Variants in LRBA observed in about 807,000 individuals in gnomAD.
The protein encoded by LRBA is lipopolysaccharide-responsive and beige-like anchor protein.
A neutral mutation model predicts 330.0 loss-of-function variants in LRBA; 176 were observed. The observed-to-expected ratio is 0.53, with a 90% CI of 0.47 to 0.60. The LOEUF is 0.60. Among genes scored for constraint, LRBA ranks in the 20% least tolerant of loss-of-function variants. The pLI, the probability that LRBA is intolerant of heterozygous loss-of-function variation, is 0.00. For missense variants in LRBA, 3,259 were observed against 3,444.8 expected (o/e 0.95, Z 1.35); for synonymous variants, 1,230 against 1,193.0 (o/e 1.03, Z -0.64).
At chr4:150,486,835 T>C (rs1240994526) in intron 42 of LRBA, among the ~76,000 whole-genome samples, 1 of 151,886 alleles carries the variant, frequency 6.6e-6, no homozygotes, top group Non-Finnish European at 1.5e-5. Context: ...GATTCTACTC[T>C]CTACTTCTAT....
intron 2 of LRBA, among the ~76,000 whole-genome samples, chr4:151,012,084 C>T (rs1441130574): frequency 6.6e-6 from 1 of 152,156 alleles, no homozygotes; most frequent in African/African-American, 2.4e-5. Flanking sequence ...TTCTCAGCAA[C>T]TTTTCCTGCC....
chr4:150,567,917 C>G (rs1769339520), intron 40 of LRBA, among the ~76,000 whole-genome samples: 1 of 152,040 alleles, frequency 6.6e-6, no homozygotes, highest in Admixed American at 6.6e-5. Flanking sequence ...GGTAGGTTAA[C>G]AAAGGGAGAG....
rs565865005 is a variant in LRBA at position 150,661,014 on chromosome 4, C to T, written c.5921+22537G>A. Among the ~76,000 whole-genome samples the T allele has an allele frequency of 1.6e-4, 20 of 122,130 alleles. No individual in the cohort carries two copies. The South Asian group carries it at 6.0e-3, about 37-fold the overall frequency. 80.1% of individuals were successfully genotyped at this position (122,130 alleles called of 152,430 possible). ...CTGCTGACCTTCCCTCCACTATTGTCCCATGACCCTGCCAAATCCCCCTCT... is the reference window on the plus strand; with the variant it reads ...CTGCTGACCTTCCCTCCACTATTGTTCCATGACCCTGCCAAATCCCCCTCT... On this transcript the variant is annotated intron_variant, in intron 37 of 56. Coordinates refer to ENST00000651943, the MANE Select transcript of LRBA (RefSeq NM_001364905.1).
chr4:150,296,124 A>C (rs1728946155), intron 53 of LRBA, among the ~76,000 whole-genome samples: 1 of 152,206 alleles, frequency 6.6e-6, no homozygotes, highest in African/African-American at 2.4e-5. Flanking sequence ...ATTTATCCTA[A>C]ATACCCAAAT....
At position 150,697,558 on chromosome 4, in the gene LRBA, A is replaced by G. The variant is rs1784759996; in HGVS notation, c.5755-13841T>C. 2.0e-5 allele frequency among the ~76,000 whole-genome samples: 3 copies of G among 152,010 alleles called. No individual in the cohort carries two copies. In the South Asian group the frequency reaches 6.2e-4, roughly 32 times the overall value. ...TTTTTAAATATCCTGATACATGTTT[A>G]TATTTTTCTTGGGTAACTAATACAT... On this transcript the variant is annotated intron_variant, in intron 36 of 56. Coordinates refer to ENST00000651943, the MANE Select transcript of LRBA (RefSeq NM_001364905.1).
At chr4:150,693,390 C>T (rs1040261284) in intron 36 of LRBA, among the ~76,000 whole-genome samples, 3 of 150,902 alleles carry the variant, frequency 2.0e-5, no homozygotes, top group African/African-American at 7.3e-5. Flanking sequence ...GGTGAAACCC[C>T]GTCTCTACTA....
Position 150,583,977 on chromosome 4 carries a change from C to T in LRBA, c.6330+4071G>A. ...TCTCCTGCCTGCAGTGCCGCCGCTGCCCTCACTACTTTCTGCCCAACCTCG... is the reference window on the plus strand; with the variant it reads ...TCTCCTGCCTGCAGTGCCGCCGCTGTCCTCACTACTTTCTGCCCAACCTCG... On this transcript the variant is annotated intron_variant, in intron 40 of 56. Coordinates refer to ENST00000651943, the MANE Select transcript of LRBA (RefSeq NM_001364905.1). The surrounding 1 kb of genome is among the most constrained non-coding windows in gnomAD (Gnocchi z 9.8). 1 of 1,614,136 alleles carries T rather than the reference C, an allele frequency of 6.2e-7. No homozygotes were observed. Among genetic ancestry groups the T allele is most frequent in the Non-Finnish European group, 8.5e-7 (1 of 1,179,998 alleles).
At chr4:151,011,822 A>C (rs2149677060) in intron 2 of LRBA, among the ~76,000 whole-genome samples, 1 of 151,900 alleles carries the variant, frequency 6.6e-6, no homozygotes, top group African/African-American at 2.4e-5. Flanking sequence ...CCACAGGTAT[A>C]TGCCACCATG....
At chr4:150,770,631 TAAG>T (rs1292334545) in intron 34 of LRBA, among the ~76,000 whole-genome samples, 1 of 149,916 alleles carries the variant, frequency 6.7e-6, no homozygotes. Flanking sequence ...ACACACAAAA[TAAG>T]AAAGAAATGT....
At chr4:150,596,198 A>G (rs536640471) in intron 38 of LRBA, among the ~76,000 whole-genome samples, 7 of 152,018 alleles carry the variant, frequency 4.6e-5, no homozygotes, top group Admixed American at 3.9e-4. Flanking sequence ...TTAAATTGTC[A>G]GAATTAAAAA....
intron 35 of LRBA, among the ~76,000 whole-genome samples, chr4:150,740,891 T>C (rs899726737): frequency 1.3e-5 from 2 of 152,004 alleles, no homozygotes; most frequent in African/African-American, 2.4e-5. Flanking sequence ...ATAATGATAA[T>C]GATATTAAAA....
At chr4:150,428,455 TA>T (rs1248882220) in intron 46 of LRBA, among the ~76,000 whole-genome samples, 1 of 152,056 alleles carries the variant, frequency 6.6e-6, no homozygotes, top group Non-Finnish European at 1.5e-5. Flanking sequence ...AATCTCATCC[TA>T]AAAAATGAGA....
At chr4:150,762,662 C>T (rs1560782865) in intron 34 of LRBA, among the ~76,000 whole-genome samples, 1 of 151,746 alleles carries the variant, frequency 6.6e-6, no homozygotes, top group Non-Finnish European at 1.5e-5. Context: ...TAAACACACA[C>T]ACAAAGATTT....
intron 40 of LRBA, among the ~76,000 whole-genome samples, chr4:150,515,313 T>C (rs1762221464): frequency 6.6e-6 from 1 of 152,120 alleles, no homozygotes; most frequent in South Asian, 2.1e-4. Flanking sequence ...AAACATTGCA[T>C]CATCATTTAC....
intron 40 of LRBA, among the ~76,000 whole-genome samples, chr4:150,572,042 C>G (rs1769934406): frequency 6.6e-6 from 1 of 151,818 alleles, no homozygotes; most frequent in Non-Finnish European, 1.5e-5. Context: ...CCTTTTAGAA[C>G]ATATGTACTT....
intron 33 of LRBA, among the ~76,000 whole-genome samples, chr4:150,800,357 A>T (rs867651874): frequency 2.6e-5 from 4 of 152,222 alleles, no homozygotes; most frequent in Non-Finnish European, 4.4e-5. Flanking sequence ...CTGATAACAG[A>T]CCTTAAGTTC....
intron 13 of LRBA, 152 bp from the exon 14 acceptor site, chr4:150,900,369 A>C: frequency 2.0e-6 from 1 of 496,332 alleles, no homozygotes; most frequent in Non-Finnish European, 3.5e-6. Context: ...ACACATACTC[A>C]CTGACACACA....
chr4:150,456,907 C>A (rs1252868033), intron 44 of LRBA, among the ~76,000 whole-genome samples: 1 of 152,054 alleles, frequency 6.6e-6, no homozygotes, highest in African/African-American at 2.4e-5. Flanking sequence ...GTTTTCCCAG[C>A]ACTATTTATT....
At chr4:150,315,444 G>A in intron 51 of LRBA, 117 bp downstream of exon 51, 1 of 837,588 alleles carries the variant, frequency 1.2e-6, no homozygotes, top group South Asian at 1.4e-5. Context: ...GCATGCAAAT[G>A]GTTTATCAGG....
Sources: allele counts gnomAD v4.1 joint callset (sites outside exome capture counted in the v4.1 genomes callset), GRCh38; gene constraint gnomAD v4.1.1; non-coding constraint Gnocchi (gnomAD v3.1); transcripts MANE v1.5; gene names NCBI Gene and HGNC (gene_info 2026-07-23, HGNC 2026-07-21).